Variants in FAM47E observed in about 807,000 individuals in gnomAD.
FAM47E encodes the protein family with sequence similarity 47 member E, also known as protein FAM47E.
Under a neutral mutation model 41.6 loss-of-function variants are expected in FAM47E, and 32 were observed. The ratio of observed to expected loss-of-function variants is 0.77; its 90% confidence interval spans 0.58 to 1.03. The LOEUF (loss-of-function observed/expected upper bound fraction) is 1.03, where lower values mean the gene tolerates loss of function less well. Ranked by LOEUF, FAM47E falls within the 50% of genes least tolerant of loss-of-function variation. The pLI is 0.00. For missense variants in FAM47E, 424 were observed against 485.4 expected, an observed-to-expected ratio of 0.87 and a Z score of 1.19; for synonymous variants, 184 against 188.7, an observed-to-expected ratio of 0.98 and a Z score of 0.20.
Position 76,221,741 on chromosome 4 carries a change from A to G in FAM47E, c.81+4053A>G, listed in dbSNP as rs182631561. ...GGACACAAAGATGGGAACAATTGAC[A>G]CTGGAGACTACTTGAAGGAGGACGT... On this transcript the variant is annotated intron_variant, in intron 2 of 7. Coordinates refer to the FAM47E transcript ENST00000510197. 3.0e-3 allele frequency among the ~76,000 whole-genome samples: 461 copies of G among 152,306 alleles called. 5 individuals are homozygous for G. Among genetic ancestry groups the G allele is most frequent in the Middle Eastern group, 0.014 (4 of 294 alleles).
intron 2 of FAM47E, among the ~76,000 whole-genome samples, chr4:76,256,744 C>T (rs1170464343): frequency 1.3e-5 from 2 of 152,172 alleles, no homozygotes; most frequent in East Asian, 3.8e-4. Flanking sequence ...TCTTTGCTTC[C>T]TGTGAAGCCC....
chr4:76,227,161 A>C (rs1327830919), intron 2 of FAM47E, among the ~76,000 whole-genome samples: 1 of 152,204 alleles, frequency 6.6e-6, no homozygotes, highest in Admixed American at 6.5e-5. Context: ...TGTAGTCAAA[A>C]GTTTGATGAA....
intron 4 of FAM47E, among the ~76,000 whole-genome samples, chr4:76,270,296 A>C (rs1258389804): frequency 6.6e-6 from 1 of 152,204 alleles, no homozygotes; most frequent in Non-Finnish European, 1.5e-5. Context: ...CTTTTCCATT[A>C]GGGAAAAGTC....
chr4:76,263,914 A>G, intron 3 of FAM47E, 71 bp downstream of exon 3: 1 of 1,509,006 alleles, frequency 6.6e-7, no homozygotes, highest in Non-Finnish European at 8.9e-7. Flanking sequence ...ACCTTCTTAA[A>G]ACTTCTCATC....
chr4:76,254,526 A>G (rs1438345577), intron 1 of FAM47E, among the ~76,000 whole-genome samples: 2 of 152,122 alleles, frequency 1.3e-5, no homozygotes. Flanking sequence ...CCTTTCATCT[A>G]GATCTTCACA....
At chr4:76,225,423 T>C (rs1394846639) in intron 2 of FAM47E, among the ~76,000 whole-genome samples, 1 of 152,226 alleles carries the variant, frequency 6.6e-6, no homozygotes, top group Non-Finnish European at 1.5e-5. Context: ...TCTAGTACAA[T>C]GTTGAATAGC....
At chr4:76,271,281 C>A (rs1376132015) in intron 4 of FAM47E, among the ~76,000 whole-genome samples, 1 of 152,204 alleles carries the variant, frequency 6.6e-6, no homozygotes, top group Non-Finnish European at 1.5e-5. Context: ...GAAAATACTT[C>A]TAGAGATGGC....
At chr4:76,281,039 C>T (rs1350140611) in intron 7 of FAM47E, 1 of 152,190 alleles carries the variant, frequency 6.6e-6, no homozygotes, top group Admixed American at 6.5e-5. Context: ...AGCAGTGTGC[C>T]CAGATCAGCC....
intron 5 of FAM47E, among the ~76,000 whole-genome samples, chr4:76,276,002 A>C (rs1308788623): frequency 6.6e-6 from 1 of 150,378 alleles, no homozygotes; most frequent in Non-Finnish European, 1.5e-5. Flanking sequence ...TAAACATTCT[A>C]TGATGCATGG....
At chr4:76,247,750 G>T (rs1047161836), upstream of FAM47E, among the ~76,000 whole-genome samples, 8 of 151,582 alleles carry the variant, frequency 5.3e-5, no homozygotes, top group African/African-American at 1.9e-4. Flanking sequence ...TCTTCTTTAG[G>T]GAAATATCTA....
intron 5 of FAM47E, among the ~76,000 whole-genome samples, chr4:76,272,392 T>G (rs1441911): frequency 0.75 from 114,219 of 152,120 alleles, 43,263 homozygotes; most frequent in Middle Eastern, 0.84. Context: ...AGATTTAAGT[T>G]CCTAAGTTGG....
In FAM47E at chr4:76,271,470, A is replaced by G. The variant is rs1329476778; in HGVS notation, c.670-98A>G. ...ACTGAGCATTTTCTACCTCTCCCCA[A>G]ACTACCTCTTTCCTCAGCGATGGCC... On this transcript the variant is annotated intron_variant, in intron 4 of 7. Coordinates refer to ENST00000424749, the MANE Select transcript of FAM47E (RefSeq NM_001136570.3). 2.8e-6 allele frequency: 4 copies of G among 1,407,376 alleles called. No homozygotes were observed. The African/African-American group carries it at 5.7e-5, about 20-fold the overall frequency. The allele number at this position is 1,407,376 out of a possible 1,614,324, so 87.2% of individuals were successfully genotyped here. A position where few individuals can be genotyped will look rare whatever the true frequency, so the allele number is the denominator to read the frequency against.
chr4:76,275,777 G>T (rs1347392698), intron 5 of FAM47E, among the ~76,000 whole-genome samples: 4 of 152,284 alleles, frequency 2.6e-5, no homozygotes, highest in Non-Finnish European at 4.4e-5. Context: ...AAGTTCTTCA[G>T]TGTGGCAGTA....
upstream of FAM47E, among the ~76,000 whole-genome samples, chr4:76,248,633 G>A (rs145996692): frequency 5.3e-5 from 8 of 152,180 alleles, no homozygotes; most frequent in East Asian, 3.9e-4. Flanking sequence ...CCTGATCCTC[G>A]TCACCTTGGT....
intron 2 of FAM47E, among the ~76,000 whole-genome samples, chr4:76,222,701 C>T (rs1380643856): frequency 6.6e-6 from 1 of 152,192 alleles, no homozygotes; most frequent in Non-Finnish European, 1.5e-5. Context: ...TTCTCTCAAA[C>T]TCTATTTACT....
intron 1 of FAM47E, among the ~76,000 whole-genome samples, chr4:76,216,032 C>T (rs1455099349): frequency 6.6e-6 from 1 of 152,206 alleles, no homozygotes; most frequent in Admixed American, 6.5e-5. Context: ...CCCAGAGGAC[C>T]AGTCCTGTGT....
chr4:76,274,623 T>A (rs1377807113), intron 5 of FAM47E, among the ~76,000 whole-genome samples: 1 of 152,112 alleles, frequency 6.6e-6, no homozygotes, highest in African/African-American at 2.4e-5. Context: ...TAATGTGGGG[T>A]AATTATTCCC....
chr4:76,260,217 A>G (rs1734350666), intron 2 of FAM47E, among the ~76,000 whole-genome samples: 1 of 152,224 alleles, frequency 6.6e-6, no homozygotes, highest in Admixed American at 6.5e-5. Context: ...AAACAATTCT[A>G]AAATTCATAC....
intron 4 of FAM47E, among the ~76,000 whole-genome samples, chr4:76,270,435 G>A (rs1734836487): frequency 6.6e-6 from 1 of 152,196 alleles, no homozygotes; most frequent in African/African-American, 2.4e-5. Flanking sequence ...CCAAGAGTGG[G>A]GGTGTCCAGC....
Sources: allele counts gnomAD v4.1 joint callset (sites outside exome capture counted in the v4.1 genomes callset), GRCh38; gene constraint gnomAD v4.1.1; transcripts MANE v1.5; gene names NCBI Gene and HGNC (gene_info 2026-07-23, HGNC 2026-07-21).